PAPOLG: variants seen among roughly 807,000 people sequenced by gnomAD.
The protein encoded by PAPOLG is PAP-gamma.
Under a neutral mutation model 99.0 loss-of-function variants are expected in PAPOLG, and 40 were observed. That is an observed-to-expected ratio of 0.40 (90% CI 0.31 to 0.53). The LOEUF is 0.53. PAPOLG is among the 20% of genes least tolerant of loss of function. PAPOLG has a pLI of 0.41. For missense variants in PAPOLG, 675 were observed against 884.1 expected (o/e 0.76, Z 3.00); for synonymous variants, 310 against 299.3 (o/e 1.04, Z -0.37).
intron 21 of PAPOLG, among the ~76,000 whole-genome samples, chr2:60,796,216 TTTTTTTTTTTTTTTTTTTG>T (rs1671692380): frequency 9.4e-6 from 1 of 106,942 alleles, no homozygotes; most frequent in Admixed American, 8.9e-5. Context: ...TCCTTTTTTT[TTTTTTTTTTTTTTTTTTTG>T]GACATGGAGG....
chr2:60,766,435 A>G (rs1670677226), intron 3 of PAPOLG, among the ~76,000 whole-genome samples: 1 of 152,136 alleles, frequency 6.6e-6, no homozygotes, highest in Non-Finnish European at 1.5e-5. Flanking sequence ...AGGCTGAGAC[A>G]GGAGGATCGC....
At chr2:60,782,653 CTT>C (rs747526129) in intron 11 of PAPOLG, 31 bp from the exon 12 acceptor site, 55,926 of 965,092 alleles carry the variant, frequency 0.058, no homozygotes, top group East Asian at 0.12. Context: ...CATTCTTCTT[CTT>C]TTTTTTTTTT....
At chr2:60,766,246 G>A (rs2103767735) in intron 3 of PAPOLG, among the ~76,000 whole-genome samples, 1 of 152,216 alleles carries the variant, frequency 6.6e-6, no homozygotes, top group South Asian at 2.1e-4. Context: ...TAGCAAAAAA[G>A]AATTTAAGAA....
intron 3 of PAPOLG, among the ~76,000 whole-genome samples, chr2:60,762,681 C>T (rs1394492037): frequency 6.6e-6 from 1 of 151,854 alleles, no homozygotes; most frequent in African/African-American, 2.4e-5. Context: ...GGCTGGAATG[C>T]AGTGGTGCAA....
Position 60,771,573 on chromosome 2 carries a change from C to A in PAPOLG, c.547C>A (p.Leu183Ile). The A allele has an allele frequency of 6.2e-7, 1 of 1,608,370 alleles. No individual in the cohort carries two copies. The highest frequency in any genetic ancestry group is 1.7e-5 in the Admixed American group (1 of 58,618). Residue 183 changes from leucine to isoleucine, a missense_variant, in exon 7 of 22, where the codon CTA becomes ATA. Leu to Ile is a conservative substitution (Grantham distance 5). Transcript: ENST00000238714. ...AIQTISDNLD[L>I]RDDSRLRSLD... The stretch of plus-strand genomic sequence containing the variant: ...ACAAACCATATCAGATAATTTAGAT[C>A]TAAGAGACGACTCTCGCCTGAGAAG...
intron 1 of PAPOLG, among the ~76,000 whole-genome samples, chr2:60,758,165 A>G (rs1670406079): frequency 6.6e-6 from 1 of 152,188 alleles, no homozygotes; most frequent in African/African-American, 2.4e-5. Context: ...ATATTTACAT[A>G]TGTATTACAC....
At chr2:60,783,618 C>A (rs1423003546) in intron 13 of PAPOLG, among the ~76,000 whole-genome samples, 1 of 143,830 alleles carries the variant, frequency 7.0e-6, no homozygotes, top group Non-Finnish European at 1.5e-5. Context: ...TCAAGTGATT[C>A]CCCTGCCTTA....
At chr2:60,794,654 T>C (rs986695979) in intron 19 of PAPOLG, 56 bp from the exon 20 acceptor site, 251 of 1,446,914 alleles carry the variant, frequency 1.7e-4, no homozygotes, top group Admixed American at 8.0e-4. Flanking sequence ...TTATATAGAT[T>C]TATATGGGTT....
At chr2:60,791,640 G>A in intron 15 of PAPOLG, 121 bp from the exon 16 acceptor site, 1 of 1,161,312 alleles carries the variant, frequency 8.6e-7, no homozygotes, top group Non-Finnish European at 1.2e-6. Context: ...AGGGTTGTGG[G>A]TGGGTGGGTG....
intron 6 of PAPOLG, 22 bp from the exon 7 acceptor site, chr2:60,771,497 C>G: frequency 6.4e-7 from 1 of 1,561,178 alleles, no homozygotes; most frequent in South Asian, 1.2e-5. Context: ...ATTTTTTTCT[C>G]TTTTTTCACA....
At chr2:60,773,593 T>G (rs1670921083) in intron 7 of PAPOLG, among the ~76,000 whole-genome samples, 1 of 152,178 alleles carries the variant, frequency 6.6e-6, no homozygotes, top group South Asian at 2.1e-4. Flanking sequence ...AGTGGTCCCT[T>G]TATTCATGCA....
chr2:60,759,024 G>A (rs1341468055), intron 1 of PAPOLG, among the ~76,000 whole-genome samples: 1 of 152,080 alleles, frequency 6.6e-6, no homozygotes, highest in African/African-American at 2.4e-5. Flanking sequence ...AACCCCTGTT[G>A]GTCCCAGAAT....
At chr2:60,794,624 C>T in intron 19 of PAPOLG, 86 bp from the exon 20 acceptor site, 2 of 1,117,576 alleles carry the variant, frequency 1.8e-6, no homozygotes, top group Non-Finnish European at 1.3e-6. Flanking sequence ...AATAGTGTAA[C>T]CAATAACTAG....
At chr2:60,773,458 A>G (rs1670917139) in intron 7 of PAPOLG, among the ~76,000 whole-genome samples, 1 of 152,116 alleles carries the variant, frequency 6.6e-6, no homozygotes, top group Non-Finnish European at 1.5e-5. Flanking sequence ...GTTTATCTGT[A>G]TTTGTTCCGT....
rs1377236095 is a variant in PAPOLG at position 60,799,001 on chromosome 2, C to G, written c.*1841C>G. The G allele has an allele frequency of 1.3e-5, 2 of 152,342 alleles. No individual in the cohort carries two copies. The highest frequency in any genetic ancestry group is 4.8e-5 in the African/African-American group (2 of 41,450). The allele number at this position is 152,342 out of a possible 1,614,324, so 9.4% of individuals were successfully genotyped here. On this transcript the variant is annotated 3_prime_UTR_variant, in exon 22 of 22. Transcript: ENST00000238714. ...AAGCTGTTGTCTTAGCTGACTCTTT[C>G]CCTTTATTCAGATGTTTTGGGATTG...
chr2:60,760,430 G>T (rs964286753), intron 2 of PAPOLG, 135 bp downstream of exon 2: 2 of 769,518 alleles, frequency 2.6e-6, no homozygotes, highest in Non-Finnish European at 4.2e-6. Context: ...CCCTCTTGGA[G>T]CTTACATTTT....
At chr2:60,768,114 T>G (rs1341146337) in intron 3 of PAPOLG, among the ~76,000 whole-genome samples, 1 of 152,144 alleles carries the variant, frequency 6.6e-6, no homozygotes, top group Non-Finnish European at 1.5e-5. Flanking sequence ...TTTTTTTTTA[T>G]TTTTTGAGAC....
At chr2:60,774,196 G>GATTCTC (rs1670943124) in intron 7 of PAPOLG, among the ~76,000 whole-genome samples, 1 of 151,606 alleles carries the variant, frequency 6.6e-6, no homozygotes, top group African/African-American at 2.4e-5. Context: ...CCGGGTTCAC[G>GATTCTC]CTGTTGCCCC....
chr2:60,780,613 T>C, intron 9 of PAPOLG, 94 bp from the exon 10 acceptor site: 3 of 1,295,090 alleles, frequency 2.3e-6, no homozygotes, highest in Non-Finnish European at 3.3e-6. Flanking sequence ...GAACATTCAC[T>C]CTGTAGAAGG....
Sources: allele counts gnomAD v4.1 joint callset (sites outside exome capture counted in the v4.1 genomes callset), GRCh38; gene constraint gnomAD v4.1.1; transcripts MANE v1.5; gene names NCBI Gene and HGNC (gene_info 2026-07-23, HGNC 2026-07-21).